ADGRG4: variants seen among roughly 807,000 people sequenced by gnomAD.
The protein encoded by ADGRG4 is G protein-coupled receptor 112.
ADGRG4 carries 122 observed loss-of-function variants against 126.2 expected under a neutral mutation model. The observed-to-expected ratio is 0.97, with a 90% CI of 0.83 to 1.12. The LOEUF is 1.12. ADGRG4 is among the 50% of genes most tolerant of loss of function. The pLI is 0.00. For synonymous variants in ADGRG4, 943 were observed against 838.7 expected, an observed-to-expected ratio of 1.12 and a Z score of -2.15; for missense variants, 2,481 against 2,251.8, an observed-to-expected ratio of 1.10 and a Z score of -2.06.
chrX:136,387,885 G>C lies in ADGRG4; in HGVS notation c.7911+11G>C, dbSNP rs757473964. 8.4e-7 allele frequency: 1 copy of C among 1,196,484 alleles called. No homozygotes were observed. The highest frequency in any genetic ancestry group is 1.1e-6 in the Non-Finnish European group (1 of 886,392). On this transcript the variant is annotated intron_variant, in intron 16 of 25. Transcript: ENST00000394143. ...ACTTCACTCTTTAAGGTAAATTCTT[G>C]CCTGTGGTAACTGTGATGAACTGGC... is the stretch of plus-strand genomic sequence containing the variant.
At chrX:136,302,171 G>C (rs1211952126) in intron 1 of ADGRG4, among the ~76,000 whole-genome samples, 2 of 111,666 alleles carry the variant, frequency 1.8e-5, no homozygotes, top group Admixed American at 1.9e-4. Context: ...AATTACCTTG[G>C]GCAGTATGGC....
intron 20 of ADGRG4, among the ~76,000 whole-genome samples, chrX:136,398,340 AG>A (rs962896676): frequency 8.9e-6 from 1 of 112,244 alleles, no homozygotes; most frequent in Non-Finnish European, 1.9e-5. Context: ...CATAGAGAGA[AG>A]ATATTCACAA....
At chrX:136,385,402 C>A (rs1049159720) in intron 15 of ADGRG4, among the ~76,000 whole-genome samples, 1 of 112,026 alleles carries the variant, frequency 8.9e-6, no homozygotes, top group Non-Finnish European at 1.9e-5. Context: ...TAAATACACA[C>A]AATAAAATTT....
At chrX:136,336,097 TA>T (rs1310198156) in intron 5 of ADGRG4, among the ~76,000 whole-genome samples, 1 of 112,434 alleles carries the variant, frequency 8.9e-6, no homozygotes, top group Non-Finnish European at 1.9e-5. Flanking sequence ...TTCAATGTTT[TA>T]AATTTTTTTT....
chrX:136,354,707 T>C (rs2075083121), intron 8 of ADGRG4, among the ~76,000 whole-genome samples: 1 of 111,539 alleles, frequency 9.0e-6, no homozygotes, highest in Non-Finnish European at 1.9e-5. Context: ...CAACTTGGGG[T>C]TCCCGTGACC....
At chrX:136,389,299 T>A (rs778850736) in intron 16 of ADGRG4, among the ~76,000 whole-genome samples, 1 of 112,440 alleles carries the variant, frequency 8.9e-6, no homozygotes, top group Non-Finnish European at 1.9e-5. Flanking sequence ...ACTTTGACCC[T>A]TTTGGTAGGC....
At chrX:136,311,312 T>C (rs1472675246) in intron 4 of ADGRG4, among the ~76,000 whole-genome samples, 1 of 109,882 alleles carries the variant, frequency 9.1e-6, no homozygotes, top group African/African-American at 3.3e-5. Flanking sequence ...GTGCTGGCTA[T>C]TGGCTGTGTA....
chrX:136,362,965 G>A (rs1424681003), intron 12 of ADGRG4, among the ~76,000 whole-genome samples: 1 of 111,549 alleles, frequency 9.0e-6, no homozygotes, highest in Non-Finnish European at 1.9e-5. Flanking sequence ...AATGGAGTGG[G>A]TGCTCAATAA....
intron 22 of ADGRG4, 84 bp downstream of exon 22, chrX:136,403,406 C>T: frequency 1.4e-6 from 1 of 731,776 alleles, no homozygotes; most frequent in Non-Finnish European, 2.1e-6. Context: ...TGGGATTGGT[C>T]TTGACCCTTG....
rs749260962 is a variant in ADGRG4, at chrX:136,348,985, A to G, written c.5279A>G (p.His1760Arg). 1.7e-6 allele frequency: 2 copies of G among 1,208,848 alleles called. No homozygotes were observed. The highest frequency in any genetic ancestry group is 1.8e-5 in the South Asian group (1 of 56,893). ...TCACCTACTCATGCAGATAGTCTCCATACTTCCTTCAATATTCAGGTTTCC... is the reference window on the plus strand; with the variant it reads ...TCACCTACTCATGCAGATAGTCTCCGTACTTCCTTCAATATTCAGGTTTCC... ...MLSPTHADSL[H>R]TSFNIQVSPS... The change falls in exon 6 of 26, where the codon CAT becomes CGT. Residue 1760 changes from histidine (H) to arginine (R), a missense_variant. Coordinates refer to ENST00000394143, the MANE Select transcript of ADGRG4 (RefSeq NM_153834.4).
chrX:136,384,223 T>C (rs1231946990), intron 15 of ADGRG4, among the ~76,000 whole-genome samples: 2 of 111,007 alleles, frequency 1.8e-5, no homozygotes, highest in Non-Finnish European at 3.8e-5. Context: ...CATTGTTTTC[T>C]TAATGGTTGC....
At chrX:136,394,371 G>A (rs747458990) in intron 18 of ADGRG4, among the ~76,000 whole-genome samples, 13 of 112,267 alleles carry the variant, frequency 1.2e-4, no homozygotes, top group African/African-American at 3.9e-4. Context: ...AACGCCAGGA[G>A]TGGCTAAGTG....
chrX:136,379,349 A>C (rs1039730113), intron 15 of ADGRG4, among the ~76,000 whole-genome samples: 5 of 110,749 alleles, frequency 4.5e-5, no homozygotes, highest in African/African-American at 1.3e-4. Flanking sequence ...GCAGATAATA[A>C]ATATTTTAGG....
intron 21 of ADGRG4, among the ~76,000 whole-genome samples, chrX:136,402,469 A>T: frequency 9.0e-6 from 1 of 111,406 alleles, no homozygotes; most frequent in Non-Finnish European, 1.9e-5. Flanking sequence ...TTTATCACAG[A>T]ATGGGACAGT....
At chrX:136,393,929 C>T (rs903351864) in intron 18 of ADGRG4, among the ~76,000 whole-genome samples, 1 of 111,575 alleles carries the variant, frequency 9.0e-6, no homozygotes, top group Non-Finnish European at 1.9e-5. Context: ...TTACACAACT[C>T]GAGGGTAAGC....
intron 5 of ADGRG4, among the ~76,000 whole-genome samples, chrX:136,342,731 G>A (rs1406766171): frequency 9.1e-6 from 1 of 110,063 alleles, no homozygotes; most frequent in Non-Finnish European, 1.9e-5. Flanking sequence ...ACTAAAAAGA[G>A]GAAGACTAAA....
chrX:136,331,069 T>C (rs2074906739), intron 5 of ADGRG4, among the ~76,000 whole-genome samples: 1 of 110,991 alleles, frequency 9.0e-6, no homozygotes, highest in Non-Finnish European at 1.9e-5. Context: ...TTGATTTTTG[T>C]AGCCCACAAA....
chrX:136,329,781 C>G (rs1185690913), intron 5 of ADGRG4, among the ~76,000 whole-genome samples: 1 of 109,900 alleles, frequency 9.1e-6, no homozygotes, highest in African/African-American at 3.3e-5. Context: ...CAAACCATCC[C>G]CCTGCTTCAG....
At chrX:136,380,604 C>CTCTTCT (rs1219064272) in intron 15 of ADGRG4, among the ~76,000 whole-genome samples, 1,020 of 55,312 alleles carry the variant, frequency 0.018, 35 homozygotes, top group Middle Eastern at 0.033. Context: ...CCTCCTCCTC[C>CTCTTCT]TCTTCTTCTT....
Sources: gnomAD v4.1 joint callset for allele counts (sites outside exome capture counted in the v4.1 genomes callset) on GRCh38, gnomAD v4.1.1 for gene constraint, MANE v1.5 for transcripts, NCBI Gene and HGNC (gene_info 2026-07-23, HGNC 2026-07-21) for gene names.